OLA1: variants seen among roughly 807,000 people sequenced by gnomAD.
The protein encoded by OLA1 is Obg like ATPase 1, also known as obg-like ATPase 1.
Under a neutral mutation model 48.4 loss-of-function variants are expected in OLA1, and 14 were observed. The ratio of observed to expected loss-of-function variants is 0.29; its 90% CI spans 0.19 to 0.45. The LOEUF (loss-of-function observed/expected upper bound fraction) is 0.45, where lower values mean the gene tolerates loss of function less well. OLA1 is among the 20% of genes least tolerant of loss of function. OLA1 has a pLI of 1.00. For missense variants in OLA1, 325 were observed against 467.1 expected (o/e 0.70, Z 2.80); for synonymous variants, 127 against 150.4 (o/e 0.84, Z 1.14).
At chr2:174,109,836 G>A (rs141453979) in intron 7 of OLA1, among the ~76,000 whole-genome samples, 204 of 152,138 alleles carry the variant, frequency 1.3e-3, no homozygotes, top group Non-Finnish European at 2.1e-3. Flanking sequence ...TTTTATTTTG[G>A]GTTTGGGGCT....
intron 7 of OLA1, among the ~76,000 whole-genome samples, chr2:174,095,335 T>G (rs1368274686): frequency 8.2e-6 from 1 of 122,132 alleles, no homozygotes; most frequent in Non-Finnish European, 1.8e-5. Flanking sequence ...GTTTTTTTTT[T>G]TTTTTTTTTT....
intron 7 of OLA1, among the ~76,000 whole-genome samples, chr2:174,091,854 A>G (rs1227021156): frequency 3.4e-5 from 4 of 117,868 alleles, no homozygotes; most frequent in Admixed American, 1.1e-4. Flanking sequence ...CCTGGGAGAC[A>G]GCGAGACTCT....
At chr2:174,207,693 A>G (rs2105437963) in intron 4 of OLA1, among the ~76,000 whole-genome samples, 1 of 152,322 alleles carries the variant, frequency 6.6e-6, no homozygotes, top group African/African-American at 2.4e-5. Context: ...TACAGCTAGC[A>G]GTTATTCAAA....
At chr2:174,176,324 T>C (rs553257294) in intron 4 of OLA1, among the ~76,000 whole-genome samples, 11 of 152,270 alleles carry the variant, frequency 7.2e-5, no homozygotes, top group African/African-American at 2.6e-4. Flanking sequence ...ATTTTACCTA[T>C]TCTGAAATCT....
chr2:174,231,720 G>A (rs1008716174), intron 2 of OLA1, among the ~76,000 whole-genome samples: 4 of 152,004 alleles, frequency 2.6e-5, no homozygotes, highest in African/African-American at 9.7e-5. Context: ...ATTAAATGTC[G>A]TGAAACCCAA....
intron 4 of OLA1, among the ~76,000 whole-genome samples, chr2:174,192,116 T>A (rs1480033110): frequency 6.6e-6 from 1 of 152,206 alleles, no homozygotes; most frequent in Non-Finnish European, 1.5e-5. Flanking sequence ...ATAGATTTAT[T>A]ATTATGACTC....
chr2:174,080,520 T>C (rs944251247), intron 9 of OLA1, among the ~76,000 whole-genome samples: 1 of 152,114 alleles, frequency 6.6e-6, no homozygotes, highest in African/African-American at 2.4e-5. Context: ...TGGGAATAAA[T>C]TAGTCATTCT....
In OLA1 at chr2:174,167,016, A is replaced by C. The variant is rs1034667622; in HGVS notation, c.374-25016T>G. Among the ~76,000 whole-genome samples, 29 of 152,204 alleles carry C rather than the reference A, an allele frequency of 1.9e-4. 1 individual carries two copies. The highest frequency in any genetic ancestry group is 4.3e-4 in the Non-Finnish European group (29 of 68,040). On this transcript the variant is annotated intron_variant, in intron 4 of 10. Coordinates refer to ENST00000284719, the MANE Select transcript of OLA1 (RefSeq NM_013341.5). ...TGTTATGCAAGATAAAGATTAACTA[A>C]CATTAAAAGGAGTCAACAATTATGT...
intron 2 of OLA1, among the ~76,000 whole-genome samples, chr2:174,239,443 T>A (rs1419242487): frequency 5.3e-5 from 8 of 152,156 alleles, no homozygotes; most frequent in East Asian, 1.9e-4. Flanking sequence ...TAACTTGAAA[T>A]TAATTATGAG....
At position 174,226,123 on chromosome 2, in the gene OLA1, C is replaced by T. The variant is rs1474704409; in HGVS notation, c.246-2963G>A. On this transcript the variant is annotated intron_variant, in intron 3 of 10. Transcript: ENST00000284719. ...CTGAGGCAGGAGAATGGCGTGAACC[C>T]GGGAGGCGGAGCTTGCAGTGAGCCG... Among the ~76,000 whole-genome samples, 15 of 102,774 alleles carry T rather than the reference C, an allele frequency of 1.5e-4. 5 individuals carry two copies. The highest frequency in any genetic ancestry group is 5.2e-4 in the South Asian group (1 of 1,908). The allele number at this position is 102,774 out of a possible 152,430, so 67.4% of individuals were successfully genotyped here.
intron 4 of OLA1, among the ~76,000 whole-genome samples, chr2:174,220,913 C>A (rs1384373192): frequency 6.6e-6 from 1 of 152,132 alleles, no homozygotes; most frequent in Non-Finnish European, 1.5e-5. Flanking sequence ...GTACTCTAAA[C>A]ACTAACATAT....
chr2:174,092,816 AC>A (rs1340100926), intron 7 of OLA1, among the ~76,000 whole-genome samples: 1 of 152,178 alleles, frequency 6.6e-6, no homozygotes, highest in Non-Finnish European at 1.5e-5. Flanking sequence ...TCACAACAGG[AC>A]CTGGGGAGGC....
chr2:174,091,095 T>A (rs1181219236), intron 7 of OLA1, among the ~76,000 whole-genome samples: 2 of 152,206 alleles, frequency 1.3e-5, no homozygotes, highest in Non-Finnish European at 2.9e-5. Context: ...TGGCACATAG[T>A]GGGTGCTCAA....
At chr2:174,090,620 A>C (rs1196474817) in intron 7 of OLA1, among the ~76,000 whole-genome samples, 3 of 152,160 alleles carry the variant, frequency 2.0e-5, no homozygotes, top group African/African-American at 7.2e-5. Context: ...TCTGGTGGAG[A>C]CTATTTTGGA....
chr2:174,161,960 G>T (rs1001820088), intron 4 of OLA1, among the ~76,000 whole-genome samples: 3 of 152,130 alleles, frequency 2.0e-5, no homozygotes, highest in Admixed American at 6.5e-5. Context: ...GGAGTTTACA[G>T]TCTAGTAGGA....
chr2:174,209,442 C>G (rs776332794), intron 4 of OLA1, among the ~76,000 whole-genome samples: 17 of 151,994 alleles, frequency 1.1e-4, no homozygotes, highest in Non-Finnish European at 1.8e-4. Context: ...TTTTTCTAAG[C>G]AAATGAAAGG....
intron 4 of OLA1, among the ~76,000 whole-genome samples, chr2:174,195,976 A>C (rs978132395): frequency 6.6e-6 from 1 of 152,162 alleles, no homozygotes; most frequent in Admixed American, 6.5e-5. Flanking sequence ...CTGTTAACTT[A>C]CTCAAATAAA....
chr2:174,135,115 G>A (rs1007311344), intron 5 of OLA1, among the ~76,000 whole-genome samples: 2 of 143,914 alleles, frequency 1.4e-5, no homozygotes, highest in South Asian at 2.2e-4. Context: ...AGCCAAGATC[G>A]TGCCACTGCA....
At chr2:174,241,262 G>C (rs910903761) in intron 2 of OLA1, among the ~76,000 whole-genome samples, 1 of 152,176 alleles carries the variant, frequency 6.6e-6, no homozygotes, top group Non-Finnish European at 1.5e-5. Flanking sequence ...ATCCCAATGA[G>C]ACTGGCAGAA....
Sources: allele counts gnomAD v4.1 joint callset (sites outside exome capture counted in the v4.1 genomes callset), GRCh38; gene constraint gnomAD v4.1.1; transcripts MANE v1.5; gene names NCBI Gene and HGNC (gene_info 2026-07-23, HGNC 2026-07-21).